NOL4L: variants seen among roughly 807,000 people sequenced by gnomAD.
The protein encoded by NOL4L is nucleolar protein 4-like.
Under a neutral mutation model 64.5 loss-of-function variants are expected in NOL4L, and 7 were observed. That is an observed-to-expected ratio of 0.11 (90% CI 0.06 to 0.20). The LOEUF is 0.20. NOL4L is among the 10% of genes least tolerant of loss of function. The pLI is 1.00. For synonymous variants in NOL4L, 413 were observed against 401.0 expected (o/e 1.03, Z -0.36); for missense variants, 680 against 967.1 (o/e 0.70, Z 3.94).
At chr20:32,500,447 G>A (rs544915069) in intron 4 of NOL4L, among the ~76,000 whole-genome samples, 16 of 150,390 alleles carry the variant, frequency 1.1e-4, no homozygotes, top group African/African-American at 3.4e-4. Flanking sequence ...TCCGCCTCCC[G>A]GGTTCATGCC....
chr20:32,482,697 G>C (rs1447417078), intron 4 of NOL4L, among the ~76,000 whole-genome samples: 2 of 151,116 alleles, frequency 1.3e-5, no homozygotes, highest in Admixed American at 6.6e-5. Context: ...CACCTGAGAG[G>C]GACACCCCGT....
intron 1 of NOL4L, among the ~76,000 whole-genome samples, chr20:32,562,616 C>T (rs1161982434): frequency 1.3e-5 from 2 of 152,110 alleles, no homozygotes; most frequent in Non-Finnish European, 2.9e-5. Flanking sequence ...TGCTCCCTAC[C>T]CTCTGGGTAG....
At chr20:32,495,807 A>G (rs2016665450) in intron 4 of NOL4L, among the ~76,000 whole-genome samples, 1 of 152,040 alleles carries the variant, frequency 6.6e-6, no homozygotes, top group Non-Finnish European at 1.5e-5. Flanking sequence ...AAATACAAAC[A>G]TTAGCTGGGC....
chr20:32,504,879 G>A (rs2017077982), intron 4 of NOL4L, among the ~76,000 whole-genome samples: 1 of 152,130 alleles, frequency 6.6e-6, no homozygotes, highest in Admixed American at 6.5e-5. Context: ...GATTACAGGC[G>A]TGAGCCACTG....
chr20:32,571,211 G>C (rs532280011), intron 1 of NOL4L, among the ~76,000 whole-genome samples: 1 of 152,196 alleles, frequency 6.6e-6, no homozygotes, highest in African/African-American at 2.4e-5. Context: ...TGTTTTAGTT[G>C]GAGTCTCGCT....
Position 32,550,709 on chromosome 20 carries a change from G to A in NOL4L, c.322-22796C>T, listed in dbSNP as rs943863428. Among the ~76,000 whole-genome samples, 3 of 152,100 alleles carry A rather than the reference G, an allele frequency of 2.0e-5. No homozygotes were observed. The East Asian group carries it at 5.8e-4, about 29-fold the overall frequency. On this transcript the variant is annotated intron_variant, in intron 1 of 10. Coordinates refer to ENST00000621426, the MANE Select transcript of NOL4L (RefSeq NM_001256798.2). ...AGACTGACCATCATGGTGAAACCCC[G>A]TCTCTACTAAAAATACAAAAATTAG...
chr20:32,470,567 G>A (rs2014939347), intron 5 of NOL4L, among the ~76,000 whole-genome samples: 1 of 152,222 alleles, frequency 6.6e-6, no homozygotes, highest in South Asian at 2.1e-4. Flanking sequence ...CCAAGGCAAC[G>A]CCAGACCACA....
chr20:32,540,721 A>G lies in NOL4L; in HGVS notation c.322-12808T>C, dbSNP rs1040681748. The stretch of plus-strand genomic sequence containing the variant: ...CTAGCCCTGCCACATGGGACTGTCA[A>G]TGTTAGGAGTGAATGTGTGGAAAGC... On this transcript the variant is annotated intron_variant, in intron 1 of 10. Coordinates refer to ENST00000621426, the MANE Select transcript of NOL4L (RefSeq NM_001256798.2). Among the ~76,000 whole-genome samples, 38 of 152,016 alleles carry G rather than the reference A, an allele frequency of 2.5e-4. 1 individual carries two copies. Among genetic ancestry groups the G allele is most frequent in the Non-Finnish European group, 8.8e-5 (6 of 67,970 alleles).
At chr20:32,559,885 G>A (rs573837264) in intron 1 of NOL4L, among the ~76,000 whole-genome samples, 3 of 152,184 alleles carry the variant, frequency 2.0e-5, no homozygotes, top group Admixed American at 6.5e-5. Context: ...AGGCCCTGCC[G>A]CCCACGCGGC....
At chr20:32,457,049 G>T (rs1392955429) in intron 5 of NOL4L, among the ~76,000 whole-genome samples, 2 of 152,240 alleles carry the variant, frequency 1.3e-5, no homozygotes, top group African/African-American at 4.8e-5. Flanking sequence ...GGGGCTGCAA[G>T]GTCTGGGGTC....
intron 1 of NOL4L, among the ~76,000 whole-genome samples, chr20:32,546,099 C>T (rs903051089): frequency 6.6e-6 from 1 of 151,194 alleles, no homozygotes; most frequent in Non-Finnish European, 1.5e-5. Flanking sequence ...AGGCAGGCAC[C>T]ACCATGCCCG....
intron 1 of NOL4L, 38 bp downstream of exon 1, chr20:32,584,532 C>A: frequency 7.6e-7 from 1 of 1,307,746 alleles, no homozygotes; most frequent in South Asian, 2.3e-5. Context: ...CCAAGCCCCG[C>A]GGCGGGACCC....
intron 4 of NOL4L, 54 bp from the exon 5 acceptor site, chr20:32,474,796 T>A (rs1266630144): frequency 6.6e-7 from 1 of 1,522,864 alleles, no homozygotes; most frequent in Non-Finnish European, 8.9e-7. Flanking sequence ...CTCATCAGCC[T>A]GAGGCAGCCT....
chr20:32,461,710 C>G (rs2014083761), intron 5 of NOL4L, among the ~76,000 whole-genome samples: 1 of 151,360 alleles, frequency 6.6e-6, no homozygotes, highest in Non-Finnish European at 1.5e-5. Context: ...GTGTGAGCCA[C>G]TGCGCCCAGC....
At chr20:32,484,367 T>G (rs1904863886) in intron 4 of NOL4L, among the ~76,000 whole-genome samples, 2 of 146,934 alleles carry the variant, frequency 1.4e-5, no homozygotes, top group Admixed American at 6.8e-5. Flanking sequence ...AAGCTCGAGC[T>G]CCTCGGCGCG....
chr20:32,550,204 A>G lies in NOL4L; in HGVS notation c.322-22291T>C, dbSNP rs574879207. On this transcript the variant is annotated intron_variant, in intron 1 of 10. Coordinates refer to ENST00000621426, the MANE Select transcript of NOL4L (RefSeq NM_001256798.2). ...TACACAATCCTAGATGACACAGCCT[A>G]TTATTGTACTGAATACTGTAGACTA... Among the ~76,000 whole-genome samples the G allele has an allele frequency of 2.0e-5, 3 of 152,340 alleles. No homozygotes were observed. The South Asian group carries it at 6.2e-4, about 32-fold the overall frequency.
chr20:32,487,254 G>A (rs1248114877), intron 4 of NOL4L, among the ~76,000 whole-genome samples: 1 of 152,078 alleles, frequency 6.6e-6, no homozygotes, highest in Non-Finnish European at 1.5e-5. Flanking sequence ...GGCGACAGGA[G>A]CGAAACTCCA....
intron 3 of NOL4L, among the ~76,000 whole-genome samples, chr20:32,513,004 G>C (rs1271260411): frequency 6.6e-6 from 1 of 152,188 alleles, no homozygotes; most frequent in Non-Finnish European, 1.5e-5. Context: ...AGCTGCTGTA[G>C]GAATTGTTTC....
intron 1 of NOL4L, among the ~76,000 whole-genome samples, chr20:32,539,277 C>T (rs927252177): frequency 6.6e-6 from 1 of 152,208 alleles, no homozygotes; most frequent in Non-Finnish European, 1.5e-5. Context: ...TGAGTGAATT[C>T]CTCAATCGAG....
Sources: gnomAD v4.1 joint callset for allele counts (sites outside exome capture counted in the v4.1 genomes callset) on GRCh38, gnomAD v4.1.1 for gene constraint, MANE v1.5 for transcripts, NCBI Gene and HGNC (gene_info 2026-07-23, HGNC 2026-07-21) for gene names.